ZBTB16: variants seen among roughly 807,000 people sequenced by gnomAD.
ZBTB16 encodes zinc finger and BTB domain-containing protein 16.
ZBTB16 carries 8 observed loss-of-function variants against 56.8 expected under a neutral mutation model. The observed-to-expected ratio is 0.14, with a 90% CI of 0.08 to 0.25. ZBTB16 has a LOEUF of 0.25. Ranked by LOEUF, ZBTB16 falls within the 10% of genes least tolerant of loss-of-function variation. ZBTB16 has a pLI of 1.00. For missense variants in ZBTB16, 625 were observed against 903.0 expected (o/e 0.69, Z 3.95); for synonymous variants, 363 against 368.5 (o/e 0.98, Z 0.17).
At chr11:114,248,946 A>T (rs1944865116) in intron 6 of ZBTB16, among the ~76,000 whole-genome samples, 1 of 151,896 alleles carries the variant, frequency 6.6e-6, no homozygotes, top group African/African-American at 2.4e-5. Flanking sequence ...TGCGCGGGGG[A>T]GTATTGATAG....
chr11:114,066,530 T>C (rs996539690), intron 2 of ZBTB16, among the ~76,000 whole-genome samples: 2 of 152,178 alleles, frequency 1.3e-5, no homozygotes, highest in South Asian at 2.1e-4. Flanking sequence ...TAATTGTTTT[T>C]CTGGCTCTCA....
chr11:114,227,449 A>G (rs990185748), intron 4 of ZBTB16, among the ~76,000 whole-genome samples: 1 of 152,202 alleles, frequency 6.6e-6, no homozygotes, highest in Non-Finnish European at 1.5e-5. Context: ...AATCAAATTC[A>G]TTTGTGCAAT....
chr11:114,111,156 C>CGTGTAGT (rs1555137314), intron 2 of ZBTB16, among the ~76,000 whole-genome samples: 4 of 148,848 alleles, frequency 2.7e-5, no homozygotes, highest in African/African-American at 7.4e-5. Flanking sequence ...ATCTGTGCTG[C>CGTGTAGT]GTGTGTGTGT....
At chr11:114,163,584 G>A (rs1448614128) in intron 3 of ZBTB16, among the ~76,000 whole-genome samples, 1 of 152,078 alleles carries the variant, frequency 6.6e-6, no homozygotes, top group African/African-American at 2.4e-5. Flanking sequence ...AGTCAGGCCA[G>A]CTGAACCGAG....
chr11:114,204,257 G>A (rs558899627), intron 4 of ZBTB16, among the ~76,000 whole-genome samples: 1 of 151,300 alleles, frequency 6.6e-6, no homozygotes, highest in Non-Finnish European at 1.5e-5. Context: ...GGGTTCAAGC[G>A]ATTCTCCTGC....
intron 1 of ZBTB16, among the ~76,000 whole-genome samples, chr11:114,062,277 A>AT (rs1383028850): frequency 6.7e-6 from 1 of 150,210 alleles, no homozygotes; most frequent in Non-Finnish European, 1.5e-5. Flanking sequence ...CTAATTTTGT[A>AT]TTTTTTGTAG....
At position 114,183,513 on chromosome 11, in the gene ZBTB16, C is replaced by T. The variant is rs1022903473; in HGVS notation, c.1367-3439C>T. ...ATGGCTGTTTTCTAAGAACCCTCCG[C>T]GCCACATCCCTTGGAAGCCTGTGGC... On this transcript the variant is annotated intron_variant, in intron 3 of 6. Coordinates refer to ENST00000335953, the MANE Select transcript of ZBTB16 (RefSeq NM_006006.6). Among the ~76,000 whole-genome samples, 29 of 152,328 alleles carry T rather than the reference C, an allele frequency of 1.9e-4. No individual in the cohort carries two copies. In the East Asian group the frequency reaches 2.5e-3, roughly 13 times the overall value.
intron 4 of ZBTB16, 97 bp from the exon 5 acceptor site, chr11:114,242,070 A>T: frequency 6.7e-7 from 1 of 1,489,812 alleles, no homozygotes; most frequent in Non-Finnish European, 9.2e-7. Context: ...GGGGATTTGG[A>T]GGTGTGAGTC....
intron 4 of ZBTB16, among the ~76,000 whole-genome samples, chr11:114,204,701 C>T (rs1326533008): frequency 6.6e-6 from 1 of 152,092 alleles, no homozygotes; most frequent in Non-Finnish European, 1.5e-5. Flanking sequence ...TCATTACCAC[C>T]TCTCACCTAT....
intron 2 of ZBTB16, among the ~76,000 whole-genome samples, chr11:114,096,952 C>T (rs238932): frequency 3.1e-4 from 47 of 151,480 alleles, no homozygotes; most frequent in African/African-American, 9.9e-4. Context: ...ACACACACAC[C>T]CCCTAAATAA....
rs118103943 is a variant in ZBTB16, at chr11:114,195,181, G to A, written c.1453+8143G>A. On this transcript the variant is annotated intron_variant, in intron 4 of 6. Coordinates refer to ENST00000335953, the MANE Select transcript of ZBTB16 (RefSeq NM_006006.6). ...CAGGATCCGGTGGTGTTAATTAGAG[G>A]GCAGCGAGATAACTTGGCTGCTGAG... 2.2e-3 allele frequency among the ~76,000 whole-genome samples: 338 copies of A among 152,284 alleles called. 2 individuals carry two copies. The highest frequency in any genetic ancestry group is 3.5e-3 in the Non-Finnish European group (238 of 68,034).
chr11:114,124,947 T>C (rs1941464690), intron 2 of ZBTB16, among the ~76,000 whole-genome samples: 1 of 152,090 alleles, frequency 6.6e-6, no homozygotes, highest in Non-Finnish European at 1.5e-5. Flanking sequence ...ATGGTCATGC[T>C]CACTCTCTTG....
At chr11:114,183,113 C>T (rs556985533) in intron 3 of ZBTB16, among the ~76,000 whole-genome samples, 3 of 152,232 alleles carry the variant, frequency 2.0e-5, no homozygotes, top group African/African-American at 7.2e-5. Context: ...GGGGGGAAGT[C>T]AGAGCCTGTC....
At chr11:114,165,100 C>T (rs1165870076) in intron 3 of ZBTB16, among the ~76,000 whole-genome samples, 1 of 152,132 alleles carries the variant, frequency 6.6e-6, no homozygotes, top group African/African-American at 2.4e-5. Context: ...TGTCCTAACC[C>T]ACCACCTCAA....
Position 114,064,371 on chromosome 11 carries a change from C to T in ZBTB16, c.1071C>T (p.His357=), listed in dbSNP as rs138118636. The change falls in exon 2 of 7, where the codon CAC becomes CAT. Residue 357 remains histidine, a synonymous_variant. Coordinates refer to ENST00000335953, the MANE Select transcript of ZBTB16 (RefSeq NM_006006.6). This position sits in a 1 kb window ranked among gnomAD's most constrained non-coding sequence, Gnocchi z 4.2. The part of the protein sequence containing the change: ...SMPSSVTSGL[H]VQPALAVSMD... ...CGTCTTCCGTGACCTCTGGCCTCCA[C>T]GTGCAGCCTGCCCTGGCTGTCTCCA... The T allele has an allele frequency of 1.1e-5, 17 of 1,613,964 alleles. No homozygotes were observed. The highest frequency in any genetic ancestry group is 1.6e-4 in the Middle Eastern group (1 of 6,084).
intron 2 of ZBTB16, among the ~76,000 whole-genome samples, chr11:114,111,380 C>T (rs144126370): frequency 8.5e-5 from 13 of 152,252 alleles, no homozygotes; most frequent in Admixed American, 7.2e-4. Context: ...TTTCTTTCTT[C>T]CCTCCATTTC....
chr11:114,223,392 G>A (rs1001215909), intron 4 of ZBTB16, among the ~76,000 whole-genome samples: 1 of 152,176 alleles, frequency 6.6e-6, no homozygotes, highest in East Asian at 1.9e-4. Context: ...GATGGTGAGT[G>A]GGTGGGTGGC....
At chr11:114,169,520 C>A (rs1478292392) in intron 3 of ZBTB16, among the ~76,000 whole-genome samples, 1 of 152,186 alleles carries the variant, frequency 6.6e-6, no homozygotes, top group East Asian at 1.9e-4. Flanking sequence ...ACGTGTGGCC[C>A]TCTTTTGCAG....
chr11:114,128,798 G>A lies in ZBTB16; in HGVS notation c.1269-27539G>A, dbSNP rs184506491. On this transcript the variant is annotated intron_variant, in intron 2 of 6. Coordinates refer to ENST00000335953, the MANE Select transcript of ZBTB16 (RefSeq NM_006006.6). Reference sequence around the variant, plus strand: ...GTGCCTTCCCTAGAGGTGGGCACACGTCTGTCACCTGCCCCTGATGTGCTA... The same window carrying A: ...GTGCCTTCCCTAGAGGTGGGCACACATCTGTCACCTGCCCCTGATGTGCTA... 3.6e-3 allele frequency among the ~76,000 whole-genome samples: 546 copies of A among 152,298 alleles called. 2 individuals are homozygous for A. Among genetic ancestry groups the A allele is most frequent in the African/African-American group, 0.013 (520 of 41,544 alleles).
Sources: gnomAD v4.1 joint callset for allele counts (sites outside exome capture counted in the v4.1 genomes callset) on GRCh38, gnomAD v4.1.1 for gene constraint, Gnocchi (gnomAD v3.1) non-coding constraint, MANE v1.5 for transcripts, NCBI Gene and HGNC (gene_info 2026-07-23, HGNC 2026-07-21) for gene names.